Variants in TRPM6 observed in about 807,000 individuals in gnomAD.
TRPM6 encodes channel kinase 2.
Under a neutral mutation model 247.6 loss-of-function variants are expected in TRPM6, and 111 were observed. The ratio of observed to expected loss-of-function variants is 0.45; its 90% confidence interval spans 0.38 to 0.52. The LOEUF (loss-of-function observed/expected upper bound fraction) is 0.52, where lower values mean the gene tolerates loss of function less well. Ranked by LOEUF, TRPM6 falls within the 20% of genes least tolerant of loss-of-function variation. TRPM6 has a pLI of 0.00. For missense variants in TRPM6, 2,126 were observed against 2,421.5 expected, an observed-to-expected ratio of 0.88 and a Z score of 2.56; for synonymous variants, 892 against 853.8, an observed-to-expected ratio of 1.04 and a Z score of -0.78.
At chr9:74,874,436 GA>G (rs1831128127) in intron 1 of TRPM6, among the ~76,000 whole-genome samples, 1 of 152,120 alleles carries the variant, frequency 6.6e-6, no homozygotes. Context: ...GTTGTTTAGA[GA>G]CTGCCTGTAC....
chr9:74,835,408 A>G (rs972825219), intron 5 of TRPM6, among the ~76,000 whole-genome samples: 1 of 152,118 alleles, frequency 6.6e-6, no homozygotes, highest in East Asian at 1.9e-4. Context: ...ATCTTACCCA[A>G]TGTCCCAGCA....
chr9:74,768,097 T>C (rs1243838509), intron 25 of TRPM6, among the ~76,000 whole-genome samples: 1 of 152,192 alleles, frequency 6.6e-6, no homozygotes. Flanking sequence ...TGATGGTTAA[T>C]GTTTTTAGGA....
intron 7 of TRPM6, among the ~76,000 whole-genome samples, chr9:74,826,464 T>C (rs1829331624): frequency 6.6e-6 from 1 of 152,162 alleles, no homozygotes; most frequent in Admixed American, 6.5e-5. Flanking sequence ...CAAGGAAGTA[T>C]TTTGTGGAAG....
intron 6 of TRPM6, among the ~76,000 whole-genome samples, chr9:74,832,130 C>T (rs1347366232): frequency 6.6e-6 from 1 of 152,156 alleles, no homozygotes; most frequent in Admixed American, 6.5e-5. Context: ...CTCAATCAAA[C>T]TACCAATTTA....
At chr9:74,763,457 T>A (rs1587480809) in intron 25 of TRPM6, among the ~76,000 whole-genome samples, 1 of 152,162 alleles carries the variant, frequency 6.6e-6, no homozygotes, top group East Asian at 1.9e-4. Context: ...ATCATCCCAT[T>A]TTTACTCATT....
chr9:74,881,089 G>T (rs541132161), intron 1 of TRPM6, among the ~76,000 whole-genome samples: 22 of 152,084 alleles, frequency 1.4e-4, no homozygotes, highest in African/African-American at 5.3e-4. Flanking sequence ...GAGGCCAGGA[G>T]TTCAAGACCA....
chr9:74,855,471 G>T, intron 3 of TRPM6, 56 bp downstream of exon 3: 1 of 1,214,318 alleles, frequency 8.2e-7, no homozygotes, highest in Non-Finnish European at 1.2e-6. Context: ...CTGTCCCAGT[G>T]AATTTTAAAT....
chr9:74,783,171 C>T (rs774935588), intron 21 of TRPM6, among the ~76,000 whole-genome samples: 14 of 143,690 alleles, frequency 9.7e-5, no homozygotes, highest in Middle Eastern at 3.6e-3. Flanking sequence ...CCCAGTTGGA[C>T]CATAGGTTAG....
intron 32 of TRPM6, 130 bp downstream of exon 32, chr9:74,743,965 C>T: frequency 1.1e-6 from 1 of 892,342 alleles, no homozygotes; most frequent in Non-Finnish European, 1.8e-6. Context: ...TTCTTCCCAT[C>T]AAAGTGAACA....
At chr9:74,738,977 A>G (rs974405111) in intron 35 of TRPM6, among the ~76,000 whole-genome samples, 12 of 152,220 alleles carry the variant, frequency 7.9e-5, no homozygotes, top group Admixed American at 1.3e-4. Flanking sequence ...ACTCAAGTGA[A>G]AGTAACATGA....
At chr9:74,881,624 C>CAGAAT (rs1453389616) in intron 1 of TRPM6, among the ~76,000 whole-genome samples, 1 of 152,098 alleles carries the variant, frequency 6.6e-6, no homozygotes, top group African/African-American at 2.4e-5. Flanking sequence ...CCAACAGTTC[C>CAGAAT]AGAATACACA....
In TRPM6 at chr9:74,762,255, C is replaced by T; in HGVS notation, c.4416G>A (p.Trp1472Ter). 6.2e-7 allele frequency: 1 copy of T among 1,614,176 alleles called. No individual in the cohort carries two copies. The highest frequency in any genetic ancestry group is 8.5e-7 in the Non-Finnish European group (1 of 1,180,024). Residue 1472 changes from tryptophan to a stop codon, truncating the protein, a stop_gained, in exon 26 of 39, where the codon TGG becomes TGA. Coordinates refer to ENST00000360774, the MANE Select transcript of TRPM6 (RefSeq NM_017662.5). LOFTEE classifies it high-confidence loss of function. ...CACAAGTGGAGGGCAAGCAGGTTTG[C>T]CACTTTTTCTTGATGCTAAACACAC... Reference protein sequence around the residue: ...ETGVFSIKKKWQTCLPSTCDS... With the variant: ...ETGVFSIKKK
chr9:74,839,110 C>CAAAAAAA (rs1041936045), intron 5 of TRPM6, among the ~76,000 whole-genome samples: 1 of 62,948 alleles, frequency 1.6e-5, no homozygotes. Flanking sequence ...GACTTCATCT[C>CAAAAAAA]AAAAAAAAAA....
chr9:74,760,504 C>CTT (rs1311652451), intron 27 of TRPM6, among the ~76,000 whole-genome samples: 3 of 152,186 alleles, frequency 2.0e-5, no homozygotes, highest in African/African-American at 7.2e-5. Flanking sequence ...GATGAAATCA[C>CTT]CTAATGACAC....
chr9:74,786,669 G>A (rs1261468388), intron 20 of TRPM6, among the ~76,000 whole-genome samples: 1 of 152,194 alleles, frequency 6.6e-6, no homozygotes, highest in East Asian at 1.9e-4. Context: ...GAACCCGGGA[G>A]GCGGAGCTTG....
chr9:74,771,957 T>A, intron 24 of TRPM6, 122 bp from the exon 25 acceptor site: 2 of 888,398 alleles, frequency 2.3e-6, no homozygotes, highest in Non-Finnish European at 3.6e-6. Flanking sequence ...TGTCACCTTG[T>A]CAAACTATTT....
At chr9:74,774,218 T>C (rs895958552) in intron 24 of TRPM6, among the ~76,000 whole-genome samples, 2 of 152,218 alleles carry the variant, frequency 1.3e-5, no homozygotes, top group African/African-American at 2.4e-5. Context: ...TGAATCATCC[T>C]ATAAGCACAG....
At chr9:74,788,882 T>C in intron 19 of TRPM6, 140 bp from the exon 20 acceptor site, 1 of 942,660 alleles carries the variant, frequency 1.1e-6, no homozygotes, top group African/African-American at 1.6e-5. Flanking sequence ...CTTCGGGTTA[T>C]TGATGACCTA....
intron 16 of TRPM6, among the ~76,000 whole-genome samples, chr9:74,801,243 ATTTTTTTTTTTTTTTTT>A (rs59490187): frequency 8.3e-4 from 71 of 85,296 alleles, no homozygotes; most frequent in African/African-American, 2.7e-3. Context: ...AAGCCTGGGA[ATTTTTTTTTTTTTTTTT>A]TTTTTTTTTT....
Sources: allele counts gnomAD v4.1 joint callset (sites outside exome capture counted in the v4.1 genomes callset), GRCh38; gene constraint gnomAD v4.1.1; transcripts MANE v1.5; gene names NCBI Gene and HGNC (gene_info 2026-07-23, HGNC 2026-07-21).